The following WWOX variants were observed in gnomAD, a reference collection of about 807,000 sequenced individuals.
The protein encoded by WWOX is WW domain-containing oxidoreductase.
WWOX carries 69 observed loss-of-function variants against 46.2 expected under a neutral mutation model. The observed-to-expected ratio is 1.49, with a 90% CI of 1.23 to 1.82. WWOX has a LOEUF of 1.82. WWOX is among the 40% of genes most tolerant of loss of function. WWOX has a pLI of 0.00. For missense variants in WWOX, 919 were observed against 542.6 expected (o/e 1.69, Z -6.89); for synonymous variants, 359 against 202.6 (o/e 1.77, Z -6.56).
chr16:78,113,529 A>G (rs190787823), intron 3 of WWOX, among the ~76,000 whole-genome samples: 220 of 152,310 alleles, frequency 1.4e-3, no homozygotes, highest in African/African-American at 5.0e-3. Flanking sequence ...AGGAGTAAGC[A>G]AGGGCTTTGG....
At chr16:78,160,135 A>G (rs189181106) in intron 4 of WWOX, among the ~76,000 whole-genome samples, 1 of 151,310 alleles carries the variant, frequency 6.6e-6, no homozygotes, top group African/African-American at 2.4e-5. Flanking sequence ...TATTTTCCTA[A>G]TGTAATGGAT....
intron 8 of WWOX, among the ~76,000 whole-genome samples, chr16:78,908,571 A>AAT (rs2045027923): frequency 6.6e-6 from 1 of 151,634 alleles, no homozygotes; most frequent in Non-Finnish European, 1.5e-5. Flanking sequence ...ATTCATGCAG[A>AAT]GCTGGCTGTG....
At chr16:78,687,346 C>G (rs373545662) in intron 8 of WWOX, among the ~76,000 whole-genome samples, 1 of 152,118 alleles carries the variant, frequency 6.6e-6, no homozygotes, top group Admixed American at 6.5e-5. Context: ...TTGTACCTAT[C>G]GAAAGAAGAG....
At chr16:79,004,683 C>T (rs570198434) in intron 8 of WWOX, 10 of 152,366 alleles carry the variant, frequency 6.6e-5, no homozygotes, top group African/African-American at 2.2e-4. Flanking sequence ...GATGCCTGCT[C>T]AGATTCTGGG....
chr16:79,156,100 C>T (rs1338180146), intron 8 of WWOX, among the ~76,000 whole-genome samples: 2 of 152,178 alleles, frequency 1.3e-5, no homozygotes, highest in Admixed American at 6.5e-5. Flanking sequence ...AGTCTCACTA[C>T]TCATAGGCCC....
chr16:78,929,978 T>C lies in WWOX; in HGVS notation c.1057-281630T>C, dbSNP rs531689783. On this transcript the variant is annotated intron_variant, in intron 8 of 8. Transcript: ENST00000566780. The stretch of plus-strand genomic sequence containing the variant: ...AACTGCCCTTGCAGCTAGCTCTCTG[T>C]GACCGTGTGACCATGTGACCCAGTT... Among the ~76,000 whole-genome samples the C allele has an allele frequency of 3.3e-5, 5 of 152,306 alleles. No individual in the cohort carries two copies. In the East Asian group the frequency reaches 9.7e-4, roughly 30 times the overall value.
chr16:78,350,980 T>A (rs2151905940), intron 5 of WWOX, among the ~76,000 whole-genome samples: 1 of 151,740 alleles, frequency 6.6e-6, no homozygotes, highest in East Asian at 1.9e-4. Flanking sequence ...TTCTTTTTAG[T>A]CTTGTCATTT....
chr16:78,712,865 T>A (rs143374590), intron 8 of WWOX, among the ~76,000 whole-genome samples: 2 of 152,272 alleles, frequency 1.3e-5, no homozygotes, highest in African/African-American at 4.8e-5. Flanking sequence ...GTTGGCCGAC[T>A]GTGGGTTCAT....
intron 4 of WWOX, among the ~76,000 whole-genome samples, chr16:78,150,874 C>A (rs2034381410): frequency 6.6e-6 from 1 of 151,708 alleles, no homozygotes; most frequent in Admixed American, 6.6e-5. Flanking sequence ...CAGAAAATTT[C>A]AAAGGTTTTT....
chr16:79,122,334 C>T (rs781363903), intron 8 of WWOX, among the ~76,000 whole-genome samples: 1 of 152,178 alleles, frequency 6.6e-6, no homozygotes, highest in Non-Finnish European at 1.5e-5. Flanking sequence ...GCATTAACCC[C>T]CTTACCCTGG....
chr16:79,062,843 C>T (rs1267851622), intron 8 of WWOX, among the ~76,000 whole-genome samples: 1 of 152,048 alleles, frequency 6.6e-6, no homozygotes, highest in Admixed American at 6.6e-5. Context: ...TTATAAATGT[C>T]GAATCGGCAT....
intron 8 of WWOX, among the ~76,000 whole-genome samples, chr16:78,600,665 A>C (rs2045600124): frequency 6.6e-6 from 1 of 152,090 alleles, no homozygotes; most frequent in East Asian, 1.9e-4. Flanking sequence ...TTCTTCAGGA[A>C]ACCCTGGTAG....
chr16:78,778,355 C>T (rs1380124496), intron 8 of WWOX, among the ~76,000 whole-genome samples: 4 of 152,160 alleles, frequency 2.6e-5, no homozygotes, highest in Non-Finnish European at 5.9e-5. Context: ...ACTGATTTAC[C>T]ACTTGGTAAA....
intron 5 of WWOX, among the ~76,000 whole-genome samples, chr16:78,191,073 C>G (rs1456590506): frequency 6.6e-6 from 1 of 152,208 alleles, no homozygotes; most frequent in South Asian, 2.1e-4. Flanking sequence ...TATGAGCCCT[C>G]TTTCCAACCG....
At chr16:78,860,380 A>G (rs578056008) in intron 8 of WWOX, among the ~76,000 whole-genome samples, 7 of 152,182 alleles carry the variant, frequency 4.6e-5, no homozygotes, top group South Asian at 2.1e-4. Flanking sequence ...AGCACCTCCC[A>G]TTCACTATCT....
intron 8 of WWOX, among the ~76,000 whole-genome samples, chr16:78,536,937 G>C (rs4036015): frequency 1.4e-5 from 2 of 142,354 alleles, no homozygotes; most frequent in Non-Finnish European, 3.0e-5. Flanking sequence ...TTTTTTGAGA[G>C]AGAGAGTCTC....
intron 8 of WWOX, among the ~76,000 whole-genome samples, chr16:78,616,943 G>C (rs1343832339): frequency 6.6e-6 from 1 of 152,102 alleles, no homozygotes; most frequent in East Asian, 1.9e-4. Context: ...GTTTTATAAT[G>C]TTCCTTTTGC....
intron 8 of WWOX, among the ~76,000 whole-genome samples, chr16:78,493,294 G>C (rs1006381229): frequency 6.6e-6 from 1 of 152,156 alleles, no homozygotes; most frequent in Admixed American, 6.5e-5. Context: ...CTTTATTTAA[G>C]ACAGGTGGCT....
intron 8 of WWOX, among the ~76,000 whole-genome samples, chr16:78,533,659 G>C (rs972220260): frequency 2.0e-5 from 3 of 152,168 alleles, no homozygotes; most frequent in African/African-American, 7.2e-5. Context: ...TTTGCTCTTT[G>C]AAAGTTGTCC....
Sources: gnomAD v4.1 joint callset for allele counts (sites outside exome capture counted in the v4.1 genomes callset) on GRCh38, gnomAD v4.1.1 for gene constraint, MANE v1.5 for transcripts, NCBI Gene and HGNC (gene_info 2026-07-23, HGNC 2026-07-21) for gene names.